Variants in ELOVL6 observed in about 807,000 individuals in gnomAD.
ELOVL6 encodes the protein ELOVL fatty acid elongase 6.
ELOVL6 carries 8 observed loss-of-function variants against 31.7 expected under a neutral mutation model. That is an observed-to-expected ratio of 0.25 (90% CI 0.15 to 0.45). The LOEUF (loss-of-function observed/expected upper bound fraction) is 0.45, where lower values mean the gene tolerates loss of function less well. Among genes scored for constraint, ELOVL6 ranks in the 20% least tolerant of loss-of-function variants. The pLI is 1.00. For synonymous variants in ELOVL6, 101 were observed against 117.7 expected, an observed-to-expected ratio of 0.86 and a Z score of 0.92; for missense variants, 126 against 326.4, an observed-to-expected ratio of 0.39 and a Z score of 4.73.
At chr4:110,134,930 G>A (rs1385791021) in intron 1 of ELOVL6, among the ~76,000 whole-genome samples, 1 of 152,054 alleles carries the variant, frequency 6.6e-6, no homozygotes, top group Admixed American at 6.6e-5. Flanking sequence ...ACTCCAGCCT[G>A]TGTACCAGAA....
intron 1 of ELOVL6, among the ~76,000 whole-genome samples, chr4:110,175,851 G>A (rs778936488): frequency 2.6e-5 from 4 of 152,088 alleles, no homozygotes; most frequent in Non-Finnish European, 5.9e-5. Context: ...AACTGATGAT[G>A]AATGATAGAT....
chr4:110,144,935 T>G (rs72900532), intron 1 of ELOVL6, among the ~76,000 whole-genome samples: 2,187 of 152,166 alleles, frequency 0.014, 48 homozygotes, highest in African/African-American at 0.05. Context: ...CAATCACCTC[T>G]CTTTTTCTGG....
intron 2 of ELOVL6, among the ~76,000 whole-genome samples, chr4:110,063,941 G>A (rs1009236830): frequency 2.0e-5 from 3 of 151,550 alleles, no homozygotes; most frequent in Non-Finnish European, 2.9e-5. Flanking sequence ...AGCCAGGTAC[G>A]GTGGTACACG....
chr4:110,180,973 C>T (rs1204301042), intron 1 of ELOVL6, among the ~76,000 whole-genome samples: 2 of 152,054 alleles, frequency 1.3e-5, no homozygotes, highest in African/African-American at 4.8e-5. Flanking sequence ...TCAGTCTCTA[C>T]AAATAATTTA....
chr4:110,135,001 T>A (rs1386316006), intron 1 of ELOVL6, among the ~76,000 whole-genome samples: 4 of 152,146 alleles, frequency 2.6e-5, no homozygotes. Context: ...AGAGGAACTA[T>A]GAAGGGCCTT....
intron 1 of ELOVL6, among the ~76,000 whole-genome samples, chr4:110,160,788 A>C (rs1758609070): frequency 6.6e-6 from 1 of 152,246 alleles, no homozygotes; most frequent in South Asian, 2.1e-4. Context: ...GAAGATAAGG[A>C]TAAGAGATAT....
chr4:110,110,854 A>T (rs1049664726), intron 1 of ELOVL6, among the ~76,000 whole-genome samples: 1 of 152,220 alleles, frequency 6.6e-6, no homozygotes, highest in Non-Finnish European at 1.5e-5. Flanking sequence ...CCTTATTCTT[A>T]TTCCAAGCTG....
intron 1 of ELOVL6, among the ~76,000 whole-genome samples, chr4:110,174,816 T>C (rs571974797): frequency 1.1e-4 from 17 of 152,272 alleles, no homozygotes; most frequent in African/African-American, 4.1e-4. Context: ...TATTTAGATT[T>C]AGATGCACCT....
At position 110,114,208 on chromosome 4, in the gene ELOVL6, T is replaced by G. The variant is rs145407230; in HGVS notation, c.90-8580A>C. 1.6e-3 allele frequency among the ~76,000 whole-genome samples: 238 copies of G among 152,344 alleles called. 1 individual carries two copies. Among genetic ancestry groups the G allele is most frequent in the African/African-American group, 5.3e-3 (219 of 41,584 alleles). On this transcript the variant is annotated intron_variant, in intron 1 of 3. Coordinates refer to ENST00000302274, the MANE Select transcript of ELOVL6 (RefSeq NM_024090.3). ...TGTCACCAAGCTAAACTTTATCTCC[T>G]ATAGCCTTAAAAATCTATTCTATAA...
At chr4:110,141,956 T>C (rs1049146938) in intron 1 of ELOVL6, among the ~76,000 whole-genome samples, 16 of 149,660 alleles carry the variant, frequency 1.1e-4, no homozygotes, top group Admixed American at 8.7e-4. Flanking sequence ...GTCTGATGTC[T>C]GGCTGCCACA....
At chr4:110,084,146 G>GTGATATATATGAT (rs1560814245) in intron 2 of ELOVL6, among the ~76,000 whole-genome samples, 1 of 64,762 alleles carries the variant, frequency 1.5e-5, no homozygotes, top group East Asian at 5.8e-4. Context: ...TGATATATAT[G>GTGATATATATGAT]ATATATATAA....
intron 1 of ELOVL6, among the ~76,000 whole-genome samples, chr4:110,107,332 T>G (rs944125642): frequency 6.6e-6 from 1 of 152,188 alleles, no homozygotes; most frequent in Non-Finnish European, 1.5e-5. Context: ...AGTAGGTGCT[T>G]AATAAATATC....
At chr4:110,060,466 A>G (rs1316104933) in intron 2 of ELOVL6, among the ~76,000 whole-genome samples, 1 of 152,196 alleles carries the variant, frequency 6.6e-6, no homozygotes, top group Non-Finnish European at 1.5e-5. Flanking sequence ...AATGTGTTTA[A>G]TCTCCACATA....
In ELOVL6 at chr4:110,059,024, T is replaced by A. The variant is rs537099501; in HGVS notation, c.373+579A>T. 4.6e-5 allele frequency among the ~76,000 whole-genome samples: 7 copies of A among 152,332 alleles called. No homozygotes were observed. The East Asian group carries it at 1.2e-3, about 25-fold the overall frequency. On this transcript the variant is annotated intron_variant, in intron 3 of 3. Coordinates refer to ENST00000302274, the MANE Select transcript of ELOVL6 (RefSeq NM_024090.3). The stretch of plus-strand genomic sequence containing the variant: ...ACCATTCAAGGGTTGAGGGAAAAAT[T>A]ATAGAAATCTACAAATACAGCCTGT...
In ELOVL6 at chr4:110,187,567, G is replaced by A. The variant is rs375407384; in HGVS notation, c.89+10680C>T. 2.2e-4 allele frequency among the ~76,000 whole-genome samples: 34 copies of A among 151,876 alleles called. No individual in the cohort carries two copies. The East Asian group carries it at 5.0e-3, about 22-fold the overall frequency. ...AAAAATTAGCCTGGCATGGTGGCAC[G>A]CATGTGTAGTCCCAACTAATAGGGA... On this transcript the variant is annotated intron_variant, in intron 1 of 3. Transcript: ENST00000302274.
chr4:110,084,582 ATATATATTT>A (rs1756179751), intron 2 of ELOVL6, among the ~76,000 whole-genome samples: 44 of 54,436 alleles, frequency 8.1e-4, no homozygotes, highest in Middle Eastern at 8.9e-3. Context: ...ATATATATAT[ATATATATTT>A]TTTTTTTTTT....
chr4:110,071,809 C>T (rs750132198), intron 2 of ELOVL6, among the ~76,000 whole-genome samples: 11 of 152,196 alleles, frequency 7.2e-5, no homozygotes, highest in Admixed American at 1.3e-4. Context: ...TGAAAAGATA[C>T]TCCTTTCTAA....
At chr4:110,106,094 C>T (rs1179921083) in intron 1 of ELOVL6, among the ~76,000 whole-genome samples, 1 of 152,176 alleles carries the variant, frequency 6.6e-6, no homozygotes, top group African/African-American at 2.4e-5. Context: ...TGGTGGCTCA[C>T]ACCTGTTATC....
chr4:110,046,781 C>G lies in ELOVL6; in HGVS notation c.*4557G>C, dbSNP rs1374715134. On this transcript the variant is annotated 3_prime_UTR_variant, in exon 4 of 4. Transcript: ENST00000302274. ...TGTGTAAGTCTTGGACACCAGCATA[C>G]AGAGGCTGTTGCTCATTGGCAAACT... 3 of 152,222 alleles carry G rather than the reference C, an allele frequency of 2.0e-5. No homozygotes were observed. Among genetic ancestry groups the G allele is most frequent in the African/African-American group, 7.2e-5 (3 of 41,466 alleles). The allele number at this position is 152,222 out of a possible 1,614,324, so 9.4% of individuals were successfully genotyped here. A position where few individuals can be genotyped will look rare whatever the true frequency, so the allele number is the denominator to read the frequency against.
Sources: gnomAD v4.1 joint callset for allele counts (sites outside exome capture counted in the v4.1 genomes callset) on GRCh38, gnomAD v4.1.1 for gene constraint, MANE v1.5 for transcripts, NCBI Gene and HGNC (gene_info 2026-07-23, HGNC 2026-07-21) for gene names.